HYKK: variants seen among roughly 807,000 people sequenced by gnomAD.
HYKK encodes 5-hydroxy-L-lysine kinase.
HYKK carries 19 observed loss-of-function variants against 29.7 expected under a neutral mutation model. The ratio of observed to expected loss-of-function variants is 0.64; its 90% CI spans 0.45 to 0.94. The LOEUF is 0.94. HYKK is among the 40% of genes least tolerant of loss of function. The probability of loss-of-function intolerance (pLI) is 0.00; values close to 1 mark genes in which losing one functional copy is unlikely to be tolerated. For missense variants in HYKK, 390 were observed against 443.4 expected, an observed-to-expected ratio of 0.88 and a Z score of 1.08; for synonymous variants, 152 against 158.1, an observed-to-expected ratio of 0.96 and a Z score of 0.29.
At chr15:78,508,570 A>T (rs990657653) in intron 1 of HYKK, among the ~76,000 whole-genome samples, 1 of 152,030 alleles carries the variant, frequency 6.6e-6, no homozygotes, top group Non-Finnish European at 1.5e-5. Flanking sequence ...TGGAAATCAC[A>T]CTTGCTTCCT....
chr15:78,526,362 A>C (rs896811862), intron 3 of HYKK, among the ~76,000 whole-genome samples: 2 of 152,250 alleles, frequency 1.3e-5, no homozygotes, highest in African/African-American at 4.8e-5. Flanking sequence ...AATGTTAGCA[A>C]TAAGTGGTAA....
chr15:78,533,904 C>T lies in HYKK; in HGVS notation c.*234C>T. On this transcript the variant is annotated 3_prime_UTR_variant, in exon 5 of 5. Coordinates refer to ENST00000388988, the MANE Select transcript of HYKK (RefSeq NM_001013619.4). ...ATATTTTTCTGTGAGTCTTACTTGC[C>T]ATATCTATAAAACACATATAATGAT... 1.8e-6 allele frequency: 1 copy of T among 540,674 alleles called. No individual in the cohort carries two copies. Among genetic ancestry groups the T allele is most frequent in the East Asian group, 3.2e-5 (1 of 31,460 alleles). The allele number at this position is 540,674 out of a possible 1,614,324, so 33.5% of individuals were successfully genotyped here.
intron 3 of HYKK, among the ~76,000 whole-genome samples, chr15:78,527,017 T>C (rs1245532674): frequency 6.6e-6 from 1 of 152,036 alleles, no homozygotes; most frequent in Non-Finnish European, 1.5e-5. Flanking sequence ...GGCTCACACC[T>C]GTAATCCCAG....
At chr15:78,527,649 GC>G in intron 4 of HYKK, 86 bp downstream of exon 4, 1 of 1,511,954 alleles carries the variant, frequency 6.6e-7, no homozygotes, top group East Asian at 2.4e-5. Context: ...GTACAATTTA[GC>G]TTTATCAAAT....
chr15:78,519,215 C>A (rs773870819), intron 3 of HYKK, among the ~76,000 whole-genome samples: 1 of 152,288 alleles, frequency 6.6e-6, no homozygotes, highest in African/African-American at 2.4e-5. Flanking sequence ...TCTATACTTA[C>A]AATAATCACC....
At chr15:78,526,049 TAATA>T (rs1470010101) in intron 3 of HYKK, among the ~76,000 whole-genome samples, 1 of 152,230 alleles carries the variant, frequency 6.6e-6, no homozygotes, top group African/African-American at 2.4e-5. Flanking sequence ...CTCAGCCTTA[TAATA>T]ACAAGTCGTT....
At chr15:78,527,285 CAAAAAAAAA>C in intron 3 of HYKK, 86 bp from the exon 4 acceptor site, 2 of 761,172 alleles carry the variant, frequency 2.6e-6, no homozygotes, top group Non-Finnish European at 3.9e-6. Flanking sequence ...GACTCTGTCT[CAAAAAAAAA>C]AAAAAAAAAA....
chr15:78,530,040 T>C (rs981484372), intron 4 of HYKK, among the ~76,000 whole-genome samples: 1 of 151,618 alleles, frequency 6.6e-6, no homozygotes. Context: ...CTCTCTATGT[T>C]GTTCAGACTG....
chr15:78,522,213 C>T (rs2052203948), intron 3 of HYKK, among the ~76,000 whole-genome samples: 1 of 152,138 alleles, frequency 6.6e-6, no homozygotes, highest in African/African-American at 2.4e-5. Context: ...CCATCATCTC[C>T]ATTCCTCCAC....
intron 2 of HYKK, 60 bp from the exon 3 acceptor site, chr15:78,514,908 C>CTA (rs1555411228): frequency 2.1e-4 from 80 of 385,372 alleles, no homozygotes; most frequent in African/African-American, 6.4e-4. Flanking sequence ...CTCTCTCTCT[C>CTA]TATATATATA....
intron 1 of HYKK, among the ~76,000 whole-genome samples, chr15:78,509,050 A>T (rs2052045627): frequency 6.8e-6 from 1 of 147,240 alleles, no homozygotes; most frequent in Non-Finnish European, 1.5e-5. Context: ...TCTCAAAAAC[A>T]AAAAAAAAAA....
chr15:78,527,415 G>T lies in HYKK; in HGVS notation c.513G>T (p.Arg171=). 1 of 1,613,978 alleles carries T rather than the reference G, an allele frequency of 6.2e-7. No individual in the cohort carries two copies. Among genetic ancestry groups the T allele is most frequent in the Non-Finnish European group, 8.5e-7 (1 of 1,179,902 alleles). Residue 171 remains arginine, a synonymous_variant, in exon 4 of 5, where the codon CGG becomes CGT. Transcript: ENST00000388988. ...ACCCAAAGTTAAGTAGTCTTCATCG[G>T]GAGAACTTCATCTGGAATCTGAAAA... ...FHHPKLSSLH[R]ENFIWNLKNV...
Position 78,533,322 on chromosome 15 carries a change from C to G in HYKK, c.774C>G (p.Ser258Arg), listed in dbSNP as rs754287771. Residue 258 changes from serine to arginine, a missense_variant, in exon 5 of 5, where the codon AGC becomes AGG. Physicochemically the swap from Ser to Arg is moderately radical, Grantham distance 110. Transcript: ENST00000388988. ...VSGILDFGDM[S>R]YGYYVFEVAI... ...GGATTTTAGACTTTGGTGACATGAG[C>G]TATGGCTACTATGTGTTTGAAGTGG... 10 of 1,614,000 alleles carry G rather than the reference C, an allele frequency of 6.2e-6. No individual in the cohort carries two copies. In the East Asian group the frequency reaches 2.2e-4, roughly 36 times the overall value.
At chr15:78,529,780 C>G (rs2052292169) in intron 4 of HYKK, among the ~76,000 whole-genome samples, 1 of 152,084 alleles carries the variant, frequency 6.6e-6, no homozygotes, top group African/African-American at 2.4e-5. Flanking sequence ...ATATGTGTTA[C>G]AAATATTTTG....
intron 2 of HYKK, among the ~76,000 whole-genome samples, chr15:78,514,531 C>G (rs150336232): frequency 6.6e-6 from 1 of 152,202 alleles, no homozygotes; most frequent in African/African-American, 2.4e-5. Flanking sequence ...GTTGCAAACA[C>G]AGGCTGTCCC....
intron 3 of HYKK, among the ~76,000 whole-genome samples, chr15:78,519,424 A>G (rs2052168535): frequency 6.6e-6 from 1 of 152,216 alleles, no homozygotes; most frequent in South Asian, 2.1e-4. Context: ...TCTAATTAAT[A>G]TATTTTTAGG....
intron 1 of HYKK, among the ~76,000 whole-genome samples, chr15:78,510,958 CT>C (rs923918603): frequency 0.085 from 7,213 of 85,148 alleles, 629 homozygotes; most frequent in African/African-American, 0.24. Context: ...TCATGAGATT[CT>C]TTTTTTTTTT....
rs2052347485 is a variant in HYKK, at chr15:78,534,895, T to A, written c.*1225T>A. 6.6e-6 allele frequency: 1 copy of A among 152,246 alleles called. No individual in the cohort carries two copies. Among genetic ancestry groups the A allele is most frequent in the African/African-American group, 2.4e-5 (1 of 41,466 alleles). 9.4% of individuals were successfully genotyped at this position (152,246 alleles called of 1,614,324 possible). ...CTTAAGCATATAAGCATATATTTTT[T>A]AATTCTCTATAATCTGTTTCTTTTT... On this transcript the variant is annotated 3_prime_UTR_variant, in exon 5 of 5. Coordinates refer to ENST00000388988, the MANE Select transcript of HYKK (RefSeq NM_001013619.4).
chr15:78,522,656 C>A (rs2052209926), intron 3 of HYKK, among the ~76,000 whole-genome samples: 1 of 148,594 alleles, frequency 6.7e-6, no homozygotes, highest in Non-Finnish European at 1.5e-5. Flanking sequence ...GTAGGTGAAT[C>A]AGTTAAGGCC....
Sources: allele counts gnomAD v4.1 joint callset (sites outside exome capture counted in the v4.1 genomes callset), GRCh38; gene constraint gnomAD v4.1.1; transcripts MANE v1.5; gene names NCBI Gene and HGNC (gene_info 2026-07-23, HGNC 2026-07-21).